Variants in SCUBE1 observed in about 807,000 individuals in gnomAD.
SCUBE1 encodes signal peptide, CUB and EGF-like domain-containing protein 1.
A neutral mutation model predicts 124.4 loss-of-function variants in SCUBE1; 59 were observed. The observed-to-expected ratio is 0.47, with a 90% CI of 0.38 to 0.59. The LOEUF is 0.59. Ranked by LOEUF, SCUBE1 falls within the 20% of genes least tolerant of loss-of-function variation. SCUBE1 has a pLI of 0.00. For synonymous variants in SCUBE1, 545 were observed against 550.9 expected (o/e 0.99, Z 0.15); for missense variants, 1,150 against 1,371.2 (o/e 0.84, Z 2.55).
intron 3 of SCUBE1, among the ~76,000 whole-genome samples, chr22:43,317,883 C>T (rs138294881): frequency 6.3e-4 from 96 of 152,216 alleles, no homozygotes; most frequent in African/African-American, 2.2e-3. Context: ...GACTGGTGTC[C>T]TCATAAAAAA....
chr22:43,210,476 G>A lies in SCUBE1; in HGVS notation c.2384-236C>T, dbSNP rs1194491083. 2.0e-5 allele frequency among the ~76,000 whole-genome samples: 3 copies of A among 152,196 alleles called. No homozygotes were observed. The highest frequency in any genetic ancestry group is 3.9e-4 in the East Asian group (2 of 5,184). ...GTGGTTCCCTGAGGCCCAGCCTGGG[G>A]GCTTCTTCTTACTGGGCTGCCATGC... On this transcript the variant is annotated intron_variant, in intron 18 of 21. Transcript: ENST00000360835. This position sits in a 1 kb window ranked among gnomAD's most constrained non-coding sequence, Gnocchi z 4.5.
intron 4 of SCUBE1, among the ~76,000 whole-genome samples, chr22:43,284,398 C>T (rs1007353418): frequency 1.3e-5 from 2 of 152,230 alleles, no homozygotes; most frequent in Non-Finnish European, 2.9e-5. Flanking sequence ...GAGGCATACT[C>T]GGTACCTGGA....
chr22:43,282,486 C>G (rs1446119224), intron 4 of SCUBE1: 1 of 152,240 alleles, frequency 6.6e-6, no homozygotes, highest in Non-Finnish European at 1.5e-5. Context: ...CAATCCGTTG[C>G]TGTCCACCAA....
chr22:43,220,450 C>T lies in SCUBE1; in HGVS notation c.1687G>A (p.Asp563Asn). 1 of 1,613,706 alleles carries T rather than the reference C, an allele frequency of 6.2e-7. No homozygotes were observed. The highest frequency in any genetic ancestry group is 8.5e-7 in the Non-Finnish European group (1 of 1,179,730). The change falls in exon 14 of 22, where the codon GAC becomes AAC. Residue 563 changes from aspartate (D) to asparagine (N), a missense_variant and splice_region_variant. Physicochemically the swap from Asp to Asn is conservative, Grantham distance 23 (BLOSUM62 1). Coordinates refer to ENST00000360835, the MANE Select transcript of SCUBE1 (RefSeq NM_173050.5). ...GCCCCCAGGAGAACCCCTCACCTAC[C>T]TGAGGCCTCTTCCATCTTTGTCTCG... is the stretch of plus-strand genomic sequence containing the variant. ...EIETKMEEAS[D>N]TCEADCLRKR...
chr22:43,203,863 G>T lies in SCUBE1; in HGVS notation c.*134C>A. The T allele has an allele frequency of 1.1e-6, 1 of 931,174 alleles. No individual in the cohort carries two copies. Among genetic ancestry groups the T allele is most frequent in the Non-Finnish European group, 1.6e-6 (1 of 618,540 alleles). 57.7% of individuals were successfully genotyped at this position (931,174 alleles called of 1,614,324 possible). ...AGGGTGCCTGGGCTCGGTCTCCATG[G>T]GCTGGTCGGCTTCCCTGAAGGGCAG... On this transcript the variant is annotated 3_prime_UTR_variant, in exon 22 of 22. Coordinates refer to ENST00000360835, the MANE Select transcript of SCUBE1 (RefSeq NM_173050.5).
At chr22:43,291,332 G>C in intron 3 of SCUBE1, 152 bp from the exon 4 acceptor site, 1 of 813,798 alleles carries the variant, frequency 1.2e-6, no homozygotes, top group Admixed American at 2.4e-5. Flanking sequence ...GTGTGATGGT[G>C]ATACTGTACA....
At chr22:43,321,067 G>C (rs1009033134) in intron 2 of SCUBE1, among the ~76,000 whole-genome samples, 25 of 152,228 alleles carry the variant, frequency 1.6e-4, no homozygotes, top group African/African-American at 5.3e-4. Flanking sequence ...GATGGGGAGA[G>C]AGGAGGGCCG....
chr22:43,260,275 C>T (rs1352999701), intron 5 of SCUBE1, among the ~76,000 whole-genome samples: 1 of 152,240 alleles, frequency 6.6e-6, no homozygotes, highest in Non-Finnish European at 1.5e-5. Flanking sequence ...TCCACATAGT[C>T]ATTTGTGCGT....
chr22:43,244,876 C>T (rs921954884), intron 6 of SCUBE1, among the ~76,000 whole-genome samples: 1 of 152,376 alleles, frequency 6.6e-6, no homozygotes, highest in African/African-American at 2.4e-5. Context: ...GGGGGCAGCC[C>T]GGGGTCCTCG....
Position 43,255,408 on chromosome 22 carries a change from C to T in SCUBE1, c.727+2811G>A, listed in dbSNP as rs189739831. The T allele has an allele frequency of 2.6e-5, 32 of 1,217,880 alleles. No homozygotes were observed. The East Asian group carries it at 7.4e-4, about 28-fold the overall frequency. 75.4% of individuals were successfully genotyped at this position (1,217,880 alleles called of 1,614,324 possible). ...GCACACACACGCCCATGTCCACATG[C>T]CAGTGCGCACCCGAGACACACATGT... On this transcript the variant is annotated intron_variant, in intron 6 of 21. Coordinates refer to ENST00000360835, the MANE Select transcript of SCUBE1 (RefSeq NM_173050.5). The surrounding 1 kb of genome is among the most constrained non-coding windows in gnomAD (Gnocchi z 4.7).
At chr22:43,231,438 C>T (rs985413489) in intron 8 of SCUBE1, among the ~76,000 whole-genome samples, 8 of 152,234 alleles carry the variant, frequency 5.3e-5, no homozygotes, top group African/African-American at 1.2e-4. Flanking sequence ...ATCCCACCTC[C>T]GAAGCCAGAG....
At chr22:43,341,050 T>C (rs1270243236) in intron 1 of SCUBE1, among the ~76,000 whole-genome samples, 1 of 141,516 alleles carries the variant, frequency 7.1e-6, no homozygotes, top group Non-Finnish European at 1.6e-5. Context: ...AAGAGAGGCA[T>C]CAACAAGAAA....
intron 3 of SCUBE1, among the ~76,000 whole-genome samples, chr22:43,311,103 T>C (rs1175560794): frequency 6.6e-6 from 1 of 152,224 alleles, no homozygotes; most frequent in Non-Finnish European, 1.5e-5. Context: ...GGTGGTTTCT[T>C]ATGCAGCAAT....
At chr22:43,209,338 C>T (rs1601794627) in intron 19 of SCUBE1, among the ~76,000 whole-genome samples, 2 of 152,342 alleles carry the variant, frequency 1.3e-5, no homozygotes, top group East Asian at 3.9e-4. Flanking sequence ...CTCACATGGG[C>T]ACCCACAGCC....
chr22:43,239,460 C>G (rs1225400718), intron 6 of SCUBE1, among the ~76,000 whole-genome samples: 18 of 152,282 alleles, frequency 1.2e-4, no homozygotes, highest in Non-Finnish European at 2.6e-4. Context: ...CACACACCAT[C>G]CATCACCTTG....
chr22:43,341,796 G>A (rs1014355939), intron 1 of SCUBE1, among the ~76,000 whole-genome samples: 1 of 152,144 alleles, frequency 6.6e-6, no homozygotes, highest in Non-Finnish European at 1.5e-5. Context: ...GTTTGCTTAT[G>A]CTGGGGACAT....
chr22:43,305,073 C>T (rs149758606), intron 3 of SCUBE1, among the ~76,000 whole-genome samples: 25 of 152,284 alleles, frequency 1.6e-4, no homozygotes, highest in East Asian at 5.8e-4. Flanking sequence ...CGCACTGTCC[C>T]GGGCTTTCAT....
At chr22:43,309,061 G>A (rs1322948615) in intron 3 of SCUBE1, among the ~76,000 whole-genome samples, 1 of 152,036 alleles carries the variant, frequency 6.6e-6, no homozygotes, top group African/African-American at 2.4e-5. Context: ...TCATCTGGCA[G>A]GAATGAGGAG....
intron 4 of SCUBE1, among the ~76,000 whole-genome samples, chr22:43,273,626 G>T (rs995631726): frequency 7.3e-6 from 1 of 137,156 alleles, no homozygotes; most frequent in Non-Finnish European, 1.5e-5. Context: ...GGAGTGCAGT[G>T]GTGTAATCAA....
Sources: allele counts gnomAD v4.1 joint callset (sites outside exome capture counted in the v4.1 genomes callset), GRCh38; gene constraint gnomAD v4.1.1; non-coding constraint Gnocchi (gnomAD v3.1); transcripts MANE v1.5; gene names NCBI Gene and HGNC (gene_info 2026-07-23, HGNC 2026-07-21).